MAP3K21: variants seen among roughly 807,000 people sequenced by gnomAD.
MAP3K21 encodes the protein mitogen-activated protein kinase kinase kinase 21.
A neutral mutation model predicts 86.1 loss-of-function variants in MAP3K21; 63 were observed. The observed-to-expected ratio is 0.73, with a 90% CI of 0.60 to 0.90. The LOEUF is 0.90. MAP3K21 is among the 40% of genes least tolerant of loss of function. The pLI, the probability that MAP3K21 is intolerant of heterozygous loss-of-function variation, is 0.00. For synonymous variants in MAP3K21, 558 were observed against 564.8 expected, an observed-to-expected ratio of 0.99 and a Z score of 0.17; for missense variants, 1,220 against 1,367.7, an observed-to-expected ratio of 0.89 and a Z score of 1.70.
At position 233,354,061 on chromosome 1, in the gene MAP3K21, TACTTTTA is replaced by T. The variant is rs545191235; in HGVS notation, c.1135+108_1135+114del. ...ATTTTCTGTGACTCTAATTTCCAAG[TACTTTTA>T]AGTAACCCTAGTATTTTAAGAATTG... On this transcript the variant is annotated intron_variant, in intron 3 of 9. Coordinates refer to ENST00000366624, the MANE Select transcript of MAP3K21 (RefSeq NM_032435.3). The T allele has an allele frequency of 8.3e-3, 10,358 of 1,246,162 alleles. 93 individuals are homozygous for T. Among genetic ancestry groups the T allele is most frequent in the South Asian group, 0.039 (1,564 of 40,076 alleles). The allele number at this position is 1,246,162 out of a possible 1,614,324, so 77.2% of individuals were successfully genotyped here.
At chr1:233,344,039 G>C (rs1663086879) in intron 1 of MAP3K21, among the ~76,000 whole-genome samples, 1 of 152,216 alleles carries the variant, frequency 6.6e-6, no homozygotes, top group Non-Finnish European at 1.5e-5. Flanking sequence ...AGGCAGATCA[G>C]CCAAAGGGAG....
chr1:233,345,574 G>A (rs1011061522), intron 1 of MAP3K21, among the ~76,000 whole-genome samples: 2 of 149,572 alleles, frequency 1.3e-5, no homozygotes, highest in African/African-American at 4.9e-5. Context: ...ACAAACGGGG[G>A]CCTGTCATGG....
At position 233,347,864 on chromosome 1, in the gene MAP3K21, G is replaced by A. The variant is rs112007983; in HGVS notation, c.986+1242G>A. ...ATACCCAGGTAATACACCTGCATGT[G>A]TACTCCGTGAATCTGAAATAAAAGT... On this transcript the variant is annotated intron_variant, in intron 2 of 9. Coordinates refer to ENST00000366624, the MANE Select transcript of MAP3K21 (RefSeq NM_032435.3). Among the ~76,000 whole-genome samples, 588 of 152,186 alleles carry A rather than the reference G, an allele frequency of 3.9e-3. 3 individuals carry two copies. The highest frequency in any genetic ancestry group is 0.013 in the African/African-American group (522 of 41,508).
At chr1:233,354,379 C>A (rs143712484) in intron 3 of MAP3K21, among the ~76,000 whole-genome samples, 20 of 152,242 alleles carry the variant, frequency 1.3e-4, no homozygotes, top group Middle Eastern at 3.4e-3. Context: ...TTAACTAACT[C>A]TTTTTGTAAG....
intron 6 of MAP3K21, 23 bp from the exon 7 acceptor site, chr1:233,375,893 A>T: frequency 6.3e-7 from 1 of 1,592,556 alleles, no homozygotes; most frequent in South Asian, 1.1e-5. Flanking sequence ...TGTGGTTAAT[A>T]TGGTTAATAA....
rs375663065 is a variant in MAP3K21, at chr1:233,362,055, G to A, written c.1314G>A (p.Glu438=). 1.9e-6 allele frequency: 3 copies of A among 1,611,490 alleles called. No homozygotes were observed. Among genetic ancestry groups the A allele is most frequent in the Admixed American group, 1.7e-5 (1 of 59,776 alleles). The change falls in exon 5 of 10, where the codon GAG becomes GAA. Residue 438 remains glutamate (E), a splice_region_variant and synonymous_variant. Transcript: ENST00000366624. Reference sequence around the variant, plus strand: ...GTGGGTGTGAATCTGTGTCGCAGGAGCTGCGATCCCGGGAAGAGGAGCTGA... The same window carrying A: ...GTGGGTGTGAATCTGTGTCGCAGGAACTGCGATCCCGGGAAGAGGAGCTGA... The part of the protein sequence containing the change: ...MFDELRTKEK[E]LRSREEELTR...
intron 1 of MAP3K21, among the ~76,000 whole-genome samples, chr1:233,333,574 C>T (rs1349834184): frequency 6.8e-6 from 1 of 147,128 alleles, no homozygotes; most frequent in Admixed American, 7.0e-5. Context: ...CATGGTGAGA[C>T]CCTGGACTAC....
rs935097513 is a variant in MAP3K21 at position 233,327,754 on chromosome 1, G to T, written c.-275G>T. On this transcript the variant is annotated 5_prime_UTR_variant, in exon 1 of 10. Coordinates refer to ENST00000366624, the MANE Select transcript of MAP3K21 (RefSeq NM_032435.3). ...AGGCTCTGGCTAAGGAGCGCGCGGC[G>T]GGCGGGCCGGCCGCAGGGCCTGGGC... The T allele has an allele frequency of 1.5e-4, 42 of 274,222 alleles. No individual in the cohort carries two copies. Among genetic ancestry groups the T allele is most frequent in the African/African-American group, 8.0e-4 (36 of 45,064 alleles). 17.0% of individuals were successfully genotyped at this position (274,222 alleles called of 1,614,324 possible).
At chr1:233,335,800 C>T (rs1314523432) in intron 1 of MAP3K21, among the ~76,000 whole-genome samples, 2 of 152,088 alleles carry the variant, frequency 1.3e-5, no homozygotes, top group African/African-American at 2.4e-5. Flanking sequence ...ACAATAGACC[C>T]CATTACATCT....
chr1:233,339,332 T>TTCTC (rs1205779789), intron 1 of MAP3K21, among the ~76,000 whole-genome samples: 44 of 126,442 alleles, frequency 3.5e-4, no homozygotes, highest in Admixed American at 5.5e-4. Context: ...TTCTTCTTCC[T>TTCTC]CTTCTTCTCC....
intron 4 of MAP3K21, among the ~76,000 whole-genome samples, chr1:233,357,306 T>C (rs1482705522): frequency 1.3e-5 from 2 of 151,506 alleles, no homozygotes; most frequent in Non-Finnish European, 2.9e-5. Flanking sequence ...CTAATGTAAA[T>C]GATGAGTTAA....
chr1:233,358,322 C>T (rs532224025), intron 4 of MAP3K21, among the ~76,000 whole-genome samples: 3 of 152,238 alleles, frequency 2.0e-5, no homozygotes, highest in African/African-American at 7.2e-5. Context: ...CCCAGGCTTT[C>T]TTGGAAAACT....
At chr1:233,334,515 A>G (rs1662876415) in intron 1 of MAP3K21, among the ~76,000 whole-genome samples, 1 of 152,252 alleles carries the variant, frequency 6.6e-6, no homozygotes, top group African/African-American at 2.4e-5. Context: ...CCAATTAGGT[A>G]AATACTGGCA....
intron 5 of MAP3K21, among the ~76,000 whole-genome samples, chr1:233,364,577 T>C (rs1410094648): frequency 6.6e-6 from 1 of 152,180 alleles, no homozygotes; most frequent in East Asian, 1.9e-4. Context: ...ATTCCTGAGG[T>C]CAGATTTTCA....
At position 233,382,776 on chromosome 1, in the gene MAP3K21, C is replaced by T; in HGVS notation, c.*65C>T. 4.3e-6 allele frequency: 6 copies of T among 1,390,020 alleles called. No homozygotes were observed. The highest frequency in any genetic ancestry group is 6.0e-6 in the Non-Finnish European group (6 of 1,001,662). The allele number at this position is 1,390,020 out of a possible 1,614,324, so 86.1% of individuals were successfully genotyped here. On this transcript the variant is annotated 3_prime_UTR_variant, in exon 10 of 10. Transcript: ENST00000366624. ...GAACAAATGAACACAATGTATCTAC[C>T]TTTGAACTGTTTCATGCTGCTGTGT...
intron 9 of MAP3K21, among the ~76,000 whole-genome samples, chr1:233,380,784 G>A (rs10489692): frequency 0.19 from 28,883 of 152,078 alleles, 3,027 homozygotes; most frequent in East Asian, 0.32. Context: ...TCAAACTTAC[G>A]GAAAATTAAT....
intron 4 of MAP3K21, 61 bp from the exon 5 acceptor site, chr1:233,361,992 T>C (rs1297744757): frequency 1.3e-6 from 2 of 1,575,622 alleles, no homozygotes; most frequent in African/African-American, 2.7e-5. Context: ...TGTAGTGTAA[T>C]AGACGGAATT....
At chr1:233,343,294 G>C (rs1011004879) in intron 1 of MAP3K21, among the ~76,000 whole-genome samples, 4 of 152,230 alleles carry the variant, frequency 2.6e-5, no homozygotes, top group African/African-American at 9.6e-5. Flanking sequence ...AAAAGTGTGT[G>C]TGTGTGAAAT....
At chr1:233,368,653 C>CT (rs1258439994) in intron 5 of MAP3K21, among the ~76,000 whole-genome samples, 1 of 137,970 alleles carries the variant, frequency 7.2e-6, no homozygotes, top group Non-Finnish European at 1.7e-5. Context: ...AAAATCTTGT[C>CT]TTTAAAAAAA....
Sources: gnomAD v4.1 joint callset for allele counts (sites outside exome capture counted in the v4.1 genomes callset) on GRCh38, gnomAD v4.1.1 for gene constraint, MANE v1.5 for transcripts, NCBI Gene and HGNC (gene_info 2026-07-23, HGNC 2026-07-21) for gene names.